BCKDHB: variants seen among roughly 807,000 people sequenced by gnomAD.
BCKDHB encodes branched chain keto acid dehydrogenase E1 subunit beta, also known as 2-oxoisovalerate dehydrogenase subunit beta, mitochondrial.
BCKDHB carries 41 observed loss-of-function variants against 48.5 expected under a neutral mutation model. The ratio of observed to expected loss-of-function variants is 0.85; its 90% CI spans 0.66 to 1.10. The LOEUF (loss-of-function observed/expected upper bound fraction) is 1.10. BCKDHB is among the 50% of genes least tolerant of loss of function. The pLI, the probability that BCKDHB is intolerant of heterozygous loss-of-function variation, is 0.00. For synonymous variants in BCKDHB, 201 were observed against 174.8 expected (o/e 1.15, Z -1.18); for missense variants, 496 against 494.2 (o/e 1.00, Z -0.03).
At chr6:80,238,929 C>G (rs1020104390) in intron 8 of BCKDHB, among the ~76,000 whole-genome samples, 1 of 152,208 alleles carries the variant, frequency 6.6e-6, no homozygotes, top group East Asian at 1.9e-4. Flanking sequence ...AGGACATGAA[C>G]TCATCCTTTT....
At chr6:80,146,260 A>G (rs1161646199) in intron 3 of BCKDHB, among the ~76,000 whole-genome samples, 2 of 152,304 alleles carry the variant, frequency 1.3e-5, no homozygotes, top group East Asian at 3.9e-4. Flanking sequence ...CATAGTATAC[A>G]TAGGCCAAAG....
the BCKDHB span, among the ~76,000 whole-genome samples, chr6:80,424,029 CATCT>C: frequency 5.9e-5 from 9 of 152,258 alleles, no homozygotes; most frequent in South Asian, 1.7e-3. Context: ...AGGCATGAAA[CATCT>C]ATCTATTAAT....
At chr6:80,447,711 CT>C in the BCKDHB span, among the ~76,000 whole-genome samples, 1 of 151,900 alleles carries the variant, frequency 6.6e-6, no homozygotes, top group Non-Finnish European at 1.5e-5. Context: ...ACTATGTATT[CT>C]TTTTTGGGAG....
chr6:80,246,125 G>A lies in BCKDHB; in HGVS notation c.952-27010G>A, dbSNP rs3857458. Reference sequence around the variant, plus strand: ...AGAGAAAGACATTTTAAACCAATATGTTAAGAATCACACTTTAGGATAACC... The same window carrying A: ...AGAGAAAGACATTTTAAACCAATATATTAAGAATCACACTTTAGGATAACC... On this transcript the variant is annotated intron_variant, in intron 8 of 9. Transcript: ENST00000320393. Among the ~76,000 whole-genome samples, 1,059 of 152,176 alleles carry A rather than the reference G, an allele frequency of 7.0e-3. 10 individuals are homozygous for A. Among genetic ancestry groups the A allele is most frequent in the African/African-American group, 0.023 (971 of 41,512 alleles).
chr6:80,180,256 C>G (rs1430178702), intron 6 of BCKDHB, among the ~76,000 whole-genome samples: 1 of 151,996 alleles, frequency 6.6e-6, no homozygotes, highest in Non-Finnish European at 1.5e-5. Context: ...AGAAAGTAAC[C>G]TAATAATATT....
At chr6:80,229,964 A>G (rs1582402027) in intron 8 of BCKDHB, among the ~76,000 whole-genome samples, 1 of 151,516 alleles carries the variant, frequency 6.6e-6, no homozygotes, top group African/African-American at 2.4e-5. Flanking sequence ...GTATTCTTAA[A>G]CAGTAGCACA....
intron 8 of BCKDHB, 32 bp downstream of exon 8, chr6:80,203,244 C>T: frequency 6.8e-7 from 1 of 1,462,992 alleles, no homozygotes; most frequent in Non-Finnish European, 9.6e-7. Context: ...AATGTCATTT[C>T]CCTGAAACCT....
At chr6:80,177,077 T>C (rs771320829) in intron 6 of BCKDHB, among the ~76,000 whole-genome samples, 3 of 150,444 alleles carry the variant, frequency 2.0e-5, no homozygotes, top group Admixed American at 6.6e-5. Context: ...AAATGCAAAA[T>C]GTAGCCAGGT....
At chr6:80,407,537 C>A in the BCKDHB span, among the ~76,000 whole-genome samples, 1 of 152,126 alleles carries the variant, frequency 6.6e-6, no homozygotes, top group Non-Finnish European at 1.5e-5. Context: ...TTTCATTGAG[C>A]AGTGGTTTGT....
rs149362365 is a variant in BCKDHB, at chr6:80,154,925, T to C, written c.344-12753T>C. Among the ~76,000 whole-genome samples, 265 of 152,262 alleles carry C rather than the reference T, an allele frequency of 1.7e-3. 1 individual carries two copies. Among genetic ancestry groups the C allele is most frequent in the African/African-American group, 6.0e-3 (251 of 41,576 alleles). On this transcript the variant is annotated intron_variant, in intron 3 of 9. Coordinates refer to ENST00000320393, the MANE Select transcript of BCKDHB (RefSeq NM_183050.4). The stretch of plus-strand genomic sequence containing the variant: ...GCTTGGCACCTTGTTACCAGTAACA[T>C]CTTAGTTTTACCCACAAGTTTGGAG...
chr6:80,396,046 T>A, the BCKDHB span, among the ~76,000 whole-genome samples: 1 of 152,178 alleles, frequency 6.6e-6, no homozygotes, highest in South Asian at 2.1e-4. Context: ...AGAAGTTTGC[T>A]GTAGAGGCAG....
intron 6 of BCKDHB, among the ~76,000 whole-genome samples, chr6:80,199,478 G>A (rs888702007): frequency 2.6e-5 from 4 of 151,936 alleles, no homozygotes; most frequent in Admixed American, 1.3e-4. Context: ...TAGTATTTTC[G>A]CATAAGAACT....
the BCKDHB span, among the ~76,000 whole-genome samples, chr6:80,408,475 C>G: frequency 1.3e-5 from 2 of 152,060 alleles, no homozygotes; most frequent in East Asian, 3.9e-4. Flanking sequence ...GGCTGTGAAT[C>G]TATCTGGTCC....
chr6:80,399,148 A>G, the BCKDHB span, among the ~76,000 whole-genome samples: 2 of 152,164 alleles, frequency 1.3e-5, no homozygotes, highest in African/African-American at 4.8e-5. Context: ...AGCCAACATC[A>G]TACTCAATGG....
the BCKDHB span, among the ~76,000 whole-genome samples, chr6:80,400,398 A>C: frequency 6.6e-6 from 1 of 152,214 alleles, no homozygotes; most frequent in East Asian, 1.9e-4. Context: ...ACCCCATTAC[A>C]AAGTGGGCAA....
At chr6:80,125,272 A>G (rs1770284524) in intron 1 of BCKDHB, among the ~76,000 whole-genome samples, 1 of 152,148 alleles carries the variant, frequency 6.6e-6, no homozygotes, top group African/African-American at 2.4e-5. Flanking sequence ...GTCAGCTTTC[A>G]TAGAATTGAA....
chr6:80,223,171 A>C (rs1161013106), intron 8 of BCKDHB, among the ~76,000 whole-genome samples: 1 of 152,212 alleles, frequency 6.6e-6, no homozygotes, highest in Non-Finnish European at 1.5e-5. Context: ...TAGTATTATA[A>C]TTGATGTTCC....
the BCKDHB span, among the ~76,000 whole-genome samples, chr6:80,438,891 A>G: frequency 3.3e-5 from 5 of 152,216 alleles, no homozygotes; most frequent in Admixed American, 1.3e-4. Context: ...GAGCGGAAGT[A>G]AATAGCTCAG....
At chr6:80,430,632 G>A in the BCKDHB span, among the ~76,000 whole-genome samples, 1 of 152,074 alleles carries the variant, frequency 6.6e-6, no homozygotes, top group African/African-American at 2.4e-5. Context: ...ATTCTGTGAT[G>A]GTAGTTTGTA....
Sources: gnomAD v4.1 joint callset for allele counts (sites outside exome capture counted in the v4.1 genomes callset) on GRCh38, gnomAD v4.1.1 for gene constraint, MANE v1.5 for transcripts, NCBI Gene and HGNC (gene_info 2026-07-23, HGNC 2026-07-21) for gene names.